The following TNNI3K variants were observed in gnomAD, a reference collection of about 807,000 sequenced individuals.
TNNI3K encodes the protein TNNI3 interacting kinase.
In TNNI3K, 140 loss-of-function variants were observed where a neutral mutation model predicts 114.5. The observed-to-expected ratio is 1.22, with a 90% CI of 1.07 to 1.41. TNNI3K has a LOEUF of 1.41. TNNI3K is among the 40% of genes most tolerant of loss of function. The probability of loss-of-function intolerance (pLI) is 0.00; values close to 1 mark genes in which losing one functional copy is unlikely to be tolerated. For missense variants in TNNI3K, 1,125 were observed against 1,007.6 expected (o/e 1.12, Z -1.58); for synonymous variants, 347 against 347.5 (o/e 1.00, Z 0.02).
At chr1:74,465,567 G>C (rs1166682610) in intron 21 of TNNI3K, among the ~76,000 whole-genome samples, 1 of 152,276 alleles carries the variant, frequency 6.6e-6, no homozygotes, top group Middle Eastern at 3.4e-3. Flanking sequence ...TGCGTGGCCC[G>C]AGCCTCTCCT....
intron 23 of TNNI3K, among the ~76,000 whole-genome samples, chr1:74,499,969 TTCTA>T (rs1332420758): frequency 1.3e-5 from 2 of 152,046 alleles, no homozygotes; most frequent in African/African-American, 4.8e-5. Context: ...CACCCTATCT[TTCTA>T]TCTTTTTTCC....
At chr1:74,459,915 A>G (rs936428756) in intron 20 of TNNI3K, among the ~76,000 whole-genome samples, 2 of 152,192 alleles carry the variant, frequency 1.3e-5, no homozygotes, top group Non-Finnish European at 2.9e-5. Flanking sequence ...TGAGAGTGCA[A>G]GCTATGCTCT....
chr1:74,475,340 C>T (rs1009116651), intron 21 of TNNI3K: 2 of 711,192 alleles, frequency 2.8e-6, no homozygotes, highest in African/African-American at 3.5e-5. Context: ...GGCTGGACTT[C>T]TCCAGGCTCA....
chr1:74,525,553 T>C (rs184620041), intron 23 of TNNI3K, among the ~76,000 whole-genome samples: 259 of 152,274 alleles, frequency 1.7e-3, no homozygotes, highest in African/African-American at 5.5e-3. Flanking sequence ...CCAAATTTAT[T>C]TTTAAAATAA....
chr1:74,341,287 G>A (rs2100440368), intron 7 of TNNI3K, among the ~76,000 whole-genome samples: 1 of 152,190 alleles, frequency 6.6e-6, no homozygotes, highest in Non-Finnish European at 1.5e-5. Context: ...ATTAGCTTTG[G>A]ACACAGCAAA....
chr1:74,288,829 A>G (rs1657487568), intron 5 of TNNI3K, among the ~76,000 whole-genome samples: 1 of 152,108 alleles, frequency 6.6e-6, no homozygotes, highest in Non-Finnish European at 1.5e-5. Context: ...TGGTTGTGGT[A>G]ATCACTTCAC....
At chr1:74,482,712 G>C in intron 21 of TNNI3K, among the ~76,000 whole-genome samples, 1 of 152,176 alleles carries the variant, frequency 6.6e-6, no homozygotes, top group East Asian at 1.9e-4. Flanking sequence ...TTGTTAATAA[G>C]GTGTCTTATT....
Position 74,265,402 on chromosome 1 carries a change from C to G in TNNI3K, c.334-6196C>G, listed in dbSNP as rs1027018710. Among the ~76,000 whole-genome samples the G allele has an allele frequency of 2.6e-5, 4 of 151,998 alleles. No homozygotes were observed. The South Asian group carries it at 6.2e-4, about 24-fold the overall frequency. On this transcript the variant is annotated intron_variant, in intron 4 of 24. Transcript: ENST00000326637. ...AATGTCGAGGCCCTTCTTTTACCAC[C>G]ACCTTACTCAGTCATTGACTGGGAG...
At chr1:74,374,149 A>G (rs1662754111) in intron 17 of TNNI3K, 1 of 151,928 alleles carries the variant, frequency 6.6e-6, no homozygotes, top group South Asian at 2.1e-4. Flanking sequence ...TACAGACACA[A>G]TCTTTAAAAA....
chr1:74,448,291 T>A (rs1666803449), intron 20 of TNNI3K, among the ~76,000 whole-genome samples: 1 of 146,432 alleles, frequency 6.8e-6, no homozygotes, highest in African/African-American at 2.6e-5. Context: ...AAAGAATGCT[T>A]GTGATTTTTG....
At chr1:74,246,846 A>T (rs1366833826) in intron 2 of TNNI3K, among the ~76,000 whole-genome samples, 1 of 152,192 alleles carries the variant, frequency 6.6e-6, no homozygotes, top group Non-Finnish European at 1.5e-5. Context: ...CAAAGTGGAA[A>T]AAATCATTTC....
intron 5 of TNNI3K, among the ~76,000 whole-genome samples, chr1:74,299,731 T>C (rs1308741422): frequency 6.6e-6 from 1 of 152,108 alleles, no homozygotes; most frequent in Non-Finnish European, 1.5e-5. Flanking sequence ...ATGGTGTATG[T>C]AGAAAAATAC....
intron 17 of TNNI3K, chr1:74,418,224 A>C: frequency 2.2e-6 from 1 of 451,604 alleles, no homozygotes; most frequent in East Asian, 7.1e-5. Flanking sequence ...TTTGAACATG[A>C]GGCAGTGCAT....
At chr1:74,455,118 C>A (rs1667177885) in intron 20 of TNNI3K, among the ~76,000 whole-genome samples, 1 of 152,038 alleles carries the variant, frequency 6.6e-6, no homozygotes, top group Non-Finnish European at 1.5e-5. Context: ...GTGACAGAAG[C>A]AAAATCAGCA....
At chr1:74,268,410 C>G (rs1446792308) in intron 4 of TNNI3K, among the ~76,000 whole-genome samples, 1 of 151,834 alleles carries the variant, frequency 6.6e-6, no homozygotes, top group Admixed American at 6.6e-5. Context: ...TTTCTGGCAG[C>G]CTATCCATGG....
chr1:74,333,995 T>C (rs532710715), intron 6 of TNNI3K, among the ~76,000 whole-genome samples: 1 of 152,294 alleles, frequency 6.6e-6, no homozygotes, highest in South Asian at 2.1e-4. Flanking sequence ...AACAAAGAGA[T>C]AAAATGCACA....
At chr1:74,498,227 C>T (rs538465228) in intron 23 of TNNI3K, among the ~76,000 whole-genome samples, 105 of 152,280 alleles carry the variant, frequency 6.9e-4, no homozygotes, top group African/African-American at 2.4e-3. Flanking sequence ...ATCACTGTAT[C>T]TTAACAGTTT....
intron 2 of TNNI3K, among the ~76,000 whole-genome samples, chr1:74,238,376 T>C (rs983122624): frequency 4.6e-5 from 7 of 151,998 alleles, no homozygotes; most frequent in Non-Finnish European, 8.8e-5. Flanking sequence ...CAAAATGAGG[T>C]AAATTAAATA....
At chr1:74,296,578 T>A (rs920002965) in intron 5 of TNNI3K, among the ~76,000 whole-genome samples, 1 of 152,172 alleles carries the variant, frequency 6.6e-6, no homozygotes, top group Non-Finnish European at 1.5e-5. Flanking sequence ...GAATTTCCTT[T>A]AACATGTTCT....
Sources: allele counts gnomAD v4.1 joint callset (sites outside exome capture counted in the v4.1 genomes callset), GRCh38; gene constraint gnomAD v4.1.1; transcripts MANE v1.5; gene names NCBI Gene and HGNC (gene_info 2026-07-23, HGNC 2026-07-21).